The following TRIP12 variants were observed in gnomAD, a reference collection of about 807,000 sequenced individuals.
TRIP12 encodes E3 ubiquitin-protein ligase TRIP12.
A neutral mutation model predicts 244.2 loss-of-function variants in TRIP12; 25 were observed. The observed-to-expected ratio is 0.10, with a 90% CI of 0.07 to 0.14. The LOEUF (loss-of-function observed/expected upper bound fraction) is 0.14, where lower values mean the gene tolerates loss of function less well. Ranked by LOEUF, TRIP12 falls within the 10% of genes least tolerant of loss-of-function variation. The pLI is 1.00. For synonymous variants in TRIP12, 905 were observed against 873.1 expected (o/e 1.04, Z -0.64); for missense variants, 1,677 against 2,486.4 (o/e 0.67, Z 6.92).
At chr2:229,836,816 AC>A in intron 6 of TRIP12, 31 bp downstream of exon 6, 1 of 1,574,140 alleles carries the variant, frequency 6.4e-7, no homozygotes, top group Non-Finnish European at 8.6e-7. Context: ...AAAGACAGAA[AC>A]GCATTTTAAA....
At chr2:229,902,447 T>C (rs540411330) in intron 1 of TRIP12, among the ~76,000 whole-genome samples, 13 of 152,290 alleles carry the variant, frequency 8.5e-5, no homozygotes, top group African/African-American at 2.6e-4. Context: ...ACCACAGCAT[T>C]ATTGGCGGTA....
chr2:229,787,991 C>T (rs528994115), intron 32 of TRIP12, among the ~76,000 whole-genome samples: 1 of 152,084 alleles, frequency 6.6e-6, no homozygotes, highest in East Asian at 1.9e-4. Context: ...TTAGTAGAGA[C>T]GGGGTTTCAC....
At chr2:229,834,404 C>CA (rs2054224512) in intron 6 of TRIP12, among the ~76,000 whole-genome samples, 1 of 152,218 alleles carries the variant, frequency 6.6e-6, no homozygotes, top group Non-Finnish European at 1.5e-5. Context: ...GTACCACTAG[C>CA]ATTTGCAAGA....
At chr2:229,791,443 C>A (rs1276075012) in intron 29 of TRIP12, among the ~76,000 whole-genome samples, 192 bp from the exon 30 acceptor site, 1 of 152,228 alleles carries the variant, frequency 6.6e-6, no homozygotes, top group Admixed American at 6.5e-5. Context: ...GGGGCTGCCT[C>A]AGAAACTCCA....
intron 4 of TRIP12, among the ~76,000 whole-genome samples, chr2:229,847,948 C>A (rs547743914): frequency 6.6e-6 from 1 of 152,182 alleles, no homozygotes; most frequent in Admixed American, 6.5e-5. Context: ...CGAGTACAGA[C>A]ATACTGTCTG....
chr2:229,841,028 A>G, intron 4 of TRIP12, 101 bp from the exon 5 acceptor site: 4 of 831,510 alleles, frequency 4.8e-6, no homozygotes, highest in Non-Finnish European at 1.9e-6. Context: ...ACTTCACAGA[A>G]TATTTTTATA....
chr2:229,853,414 A>T (rs2059070849), intron 4 of TRIP12, among the ~76,000 whole-genome samples: 1 of 152,128 alleles, frequency 6.6e-6, no homozygotes, highest in African/African-American at 2.4e-5. Context: ...TAAATACATG[A>T]CCTGGCTGGG....
Position 229,896,467 on chromosome 2 carries a change from G to A in TRIP12, c.-49-16339C>T, listed in dbSNP as rs890223796. 1.4e-4 allele frequency among the ~76,000 whole-genome samples: 22 copies of A among 152,032 alleles called. No individual in the cohort carries two copies. The East Asian group carries it at 1.5e-3, about 11-fold the overall frequency. On this transcript the variant is annotated intron_variant, in intron 1 of 41. Transcript: ENST00000675903. Reference sequence around the variant, plus strand: ...AGCCTGGCCAACATGGTGAAACCCCGTTTCTACTAAAAATACAAAAATTAG... The same window carrying A: ...AGCCTGGCCAACATGGTGAAACCCCATTTCTACTAAAAATACAAAAATTAG...
chr2:229,793,216 G>A, intron 26 of TRIP12, 71 bp from the exon 27 acceptor site: 2 of 1,463,178 alleles, frequency 1.4e-6, no homozygotes, highest in East Asian at 2.5e-5. Flanking sequence ...TCAAATAAAG[G>A]CAAGTTAATA....
intron 8 of TRIP12, among the ~76,000 whole-genome samples, chr2:229,819,651 T>C (rs2049487826): frequency 6.6e-6 from 1 of 152,214 alleles, no homozygotes; most frequent in South Asian, 2.1e-4. Flanking sequence ...ACTTAACCAA[T>C]CTTATATGAT....
intron 13 of TRIP12, among the ~76,000 whole-genome samples, chr2:229,811,507 A>G (rs2047236215): frequency 6.6e-6 from 1 of 152,144 alleles, no homozygotes; most frequent in South Asian, 2.1e-4. Flanking sequence ...ATGTTATACT[A>G]AAGAAATATA....
intron 2 of TRIP12, among the ~76,000 whole-genome samples, chr2:229,864,510 T>C (rs868159467): frequency 8.5e-5 from 13 of 152,188 alleles, no homozygotes; most frequent in Admixed American, 3.3e-4. Context: ...ATGGTGGTTT[T>C]AGAAACCACT....
chr2:229,792,369 T>A (rs1417656332), intron 27 of TRIP12, 143 bp from the exon 28 acceptor site: 4 of 812,484 alleles, frequency 4.9e-6, no homozygotes, highest in African/African-American at 3.5e-5. Flanking sequence ...AGCCCAGAAG[T>A]GTTTTAGATT....
intron 34 of TRIP12, among the ~76,000 whole-genome samples, chr2:229,785,323 T>C (rs1222990771): frequency 6.6e-6 from 1 of 152,194 alleles, no homozygotes; most frequent in African/African-American, 2.4e-5. Flanking sequence ...CAAAGTGAAA[T>C]GGGGGCACTT....
chr2:229,822,323 T>A (rs1190225376), intron 8 of TRIP12, among the ~76,000 whole-genome samples: 4 of 152,200 alleles, frequency 2.6e-5, no homozygotes, highest in African/African-American at 9.6e-5. Flanking sequence ...ATTTTGAGAC[T>A]GCTCAACTAT....
chr2:229,834,460 A>C (rs2054242945), intron 6 of TRIP12, among the ~76,000 whole-genome samples: 1 of 152,196 alleles, frequency 6.6e-6, no homozygotes, highest in African/African-American at 2.4e-5. Flanking sequence ...TTATGTCCAA[A>C]TCTACGAATG....
intron 1 of TRIP12, among the ~76,000 whole-genome samples, chr2:229,904,300 C>G (rs1175637546): frequency 6.6e-6 from 1 of 150,964 alleles, no homozygotes; most frequent in Non-Finnish European, 1.5e-5. Flanking sequence ...AGCCTGTAGT[C>G]CCAGCTACTT....
chr2:229,809,819 A>G (rs1050468138), intron 15 of TRIP12, among the ~76,000 whole-genome samples: 2 of 152,194 alleles, frequency 1.3e-5, no homozygotes, highest in African/African-American at 4.8e-5. Context: ...TTCTGTGCCA[A>G]TGTGTTAATT....
intron 1 of TRIP12, among the ~76,000 whole-genome samples, chr2:229,892,946 GCATAAA>G: frequency 6.6e-6 from 1 of 152,060 alleles, no homozygotes; most frequent in Non-Finnish European, 1.5e-5. Context: ...CTTCAAATGG[GCATAAA>G]CATAAACTGA....
Sources: gnomAD v4.1 joint callset for allele counts (sites outside exome capture counted in the v4.1 genomes callset) on GRCh38, gnomAD v4.1.1 for gene constraint, MANE v1.5 for transcripts, NCBI Gene and HGNC (gene_info 2026-07-23, HGNC 2026-07-21) for gene names.